DRC8: variants seen among roughly 807,000 people sequenced by gnomAD.
DRC8 encodes the protein dynein regulatory complex protein 8.
chr1:245,078,325 T>C, the DRC8 span, among the ~76,000 whole-genome samples: 1 of 152,224 alleles, frequency 6.6e-6, no homozygotes, highest in African/African-American at 2.4e-5. Flanking sequence ...ATCCCACTTA[T>C]GGGTATAAGT....
the DRC8 span, among the ~76,000 whole-genome samples, chr1:245,121,334 G>C: frequency 6.6e-6 from 1 of 152,232 alleles, no homozygotes; most frequent in South Asian, 2.1e-4. Flanking sequence ...TGTAACGGAA[G>C]AGTCCAAAAG....
the DRC8 span, among the ~76,000 whole-genome samples, chr1:245,047,848 G>A: frequency 0.02 from 3,016 of 150,958 alleles, 107 homozygotes; most frequent in African/African-American, 0.069. Flanking sequence ...ATGGTGACAC[G>A]TACCTGTAAT....
chr1:245,016,761 A>G, the DRC8 span, among the ~76,000 whole-genome samples: 1 of 152,158 alleles, frequency 6.6e-6, no homozygotes, highest in African/African-American at 2.4e-5. Context: ...AGTAAATGTC[A>G]TGTTGGTTTT....
At chr1:245,093,473 C>T in the DRC8 span, among the ~76,000 whole-genome samples, 11 of 151,982 alleles carry the variant, frequency 7.2e-5, no homozygotes, top group Admixed American at 2.6e-4. Context: ...CTGAGGTGAG[C>T]GGTTCACTTA....
chr1:245,096,189 A>G, the DRC8 span, among the ~76,000 whole-genome samples: 1 of 152,364 alleles, frequency 6.6e-6, no homozygotes, highest in Admixed American at 6.5e-5. Context: ...AATTCCAGAG[A>G]CACAGTTTCT....
At chr1:245,002,095 C>T in the DRC8 span, 2 of 1,555,804 alleles carry the variant, frequency 1.3e-6, no homozygotes, top group Non-Finnish European at 1.8e-6. Context: ...TCACCAAGTA[C>T]TCTTCATGTG....
chr1:245,034,600 C>CAAAAAAAAAAAAAAA, the DRC8 span, among the ~76,000 whole-genome samples: 4 of 39,496 alleles, frequency 1.0e-4, no homozygotes, highest in East Asian at 1.5e-3. Flanking sequence ...GACTCCATCT[C>CAAAAAAAAAAAAAAA]AAAAAAAAAA....
chr1:245,093,033 T>C, the DRC8 span, among the ~76,000 whole-genome samples: 3 of 152,124 alleles, frequency 2.0e-5, no homozygotes, highest in Non-Finnish European at 2.9e-5. Flanking sequence ...AATAATTATT[T>C]ACAGAAAGCC....
At chr1:245,059,476 G>T in the DRC8 span, 1 of 1,601,622 alleles carries the variant, frequency 6.2e-7, no homozygotes, top group Non-Finnish European at 8.5e-7. Context: ...CGGCGAAAAG[G>T]TTTCATTCAG....
the DRC8 span, chr1:245,015,750 C>A: frequency 3.6e-6 from 1 of 277,520 alleles, no homozygotes; most frequent in Non-Finnish European, 7.2e-6. Context: ...ATCCAGAATG[C>A]TGACATTTCT....
At chr1:245,097,020 A>G in the DRC8 span, among the ~76,000 whole-genome samples, 1 of 152,330 alleles carries the variant, frequency 6.6e-6, no homozygotes, top group East Asian at 1.9e-4. This position sits in a 1 kb window ranked among gnomAD's most constrained non-coding sequence, Gnocchi z 5.0. Context: ...CTGCTGAATG[A>G]ATGAATATAA....
At chr1:244,987,337 A>G in the DRC8 span, among the ~76,000 whole-genome samples, 1 of 151,790 alleles carries the variant, frequency 6.6e-6, no homozygotes, top group Non-Finnish European at 1.5e-5. Flanking sequence ...AGTAGCTGAG[A>G]TTACAGGCGT....
the DRC8 span, among the ~76,000 whole-genome samples, chr1:244,979,220 A>G: frequency 2.0e-5 from 3 of 150,872 alleles, no homozygotes; most frequent in South Asian, 4.2e-4. Flanking sequence ...TACCCAGAGC[A>G]TGGCATATAG....
At chr1:244,989,748 A>G in the DRC8 span, among the ~76,000 whole-genome samples, 2 of 152,276 alleles carry the variant, frequency 1.3e-5, no homozygotes, top group East Asian at 3.9e-4. Flanking sequence ...GAGAATCTAC[A>G]TGAATTATTT....
the DRC8 span, among the ~76,000 whole-genome samples, chr1:245,118,102 T>A: frequency 6.6e-6 from 1 of 152,204 alleles, no homozygotes. Flanking sequence ...AACTACGTGA[T>A]GGGCCTGCCC....
At chr1:245,043,078 A>G in the DRC8 span, among the ~76,000 whole-genome samples, 1 of 152,184 alleles carries the variant, frequency 6.6e-6, no homozygotes, top group African/African-American at 2.4e-5. Flanking sequence ...TTGTAACCAT[A>G]AAGGCTTTTG....
At chr1:245,091,131 G>C in the DRC8 span, 1 of 152,298 alleles carries the variant, frequency 6.6e-6, no homozygotes, top group Non-Finnish European at 1.5e-5. Context: ...GATGAACCGC[G>C]TGCCTTCAGG....
the DRC8 span, among the ~76,000 whole-genome samples, chr1:245,032,600 T>C: frequency 5.9e-5 from 9 of 152,364 alleles, no homozygotes; most frequent in African/African-American, 2.2e-4. Context: ...TGCTAAGTTA[T>C]AAACTTACTG....
At chr1:245,030,447 C>T in the DRC8 span, among the ~76,000 whole-genome samples, 5 of 152,122 alleles carry the variant, frequency 3.3e-5, no homozygotes, top group African/African-American at 1.2e-4. Context: ...AATACTATGC[C>T]ATTTAATACA....
Sources: gnomAD v4.1 joint callset for allele counts (sites outside exome capture counted in the v4.1 genomes callset) on GRCh38, gnomAD v4.1.1 for gene constraint, Gnocchi (gnomAD v3.1) non-coding constraint, MANE v1.5 for transcripts, NCBI Gene and HGNC (gene_info 2026-07-23, HGNC 2026-07-21) for gene names.